EIF4G1: variants seen among roughly 807,000 people sequenced by gnomAD.
EIF4G1 encodes the protein EIF4-gamma.
In EIF4G1, 4 loss-of-function variants were observed where a neutral mutation model predicts 187.8. The observed-to-expected ratio is 0.02, with a 90% CI of 0.01 to 0.05. The LOEUF is 0.05. EIF4G1 is among the 10% of genes least tolerant of loss of function. The pLI is 1.00. For synonymous variants in EIF4G1, 844 were observed against 781.4 expected (o/e 1.08, Z -1.34); for missense variants, 1,647 against 2,081.1 (o/e 0.79, Z 4.06).
chr3:184,334,981 G>GGGC lies in EIF4G1; in HGVS notation c.*77_*79dup. On this transcript the variant is annotated 3_prime_UTR_variant, in exon 33 of 33. Transcript: ENST00000346169. This position sits in a 1 kb window ranked among gnomAD's most constrained non-coding sequence, Gnocchi z 5.8. ...CCGGCTAGCCGCCTGGACTGCAGGG[G>GGGC]GGCGGCAGCAGCGGCGGTGGCAGTG... 1 of 1,594,142 alleles carries GGGC rather than the reference G, an allele frequency of 6.3e-7. No homozygotes were observed. The highest frequency in any genetic ancestry group is 8.6e-7 in the Non-Finnish European group (1 of 1,167,958).
rs777039464 is a variant in EIF4G1 at position 184,323,709 on chromosome 3, C to T, written c.2275-71C>T. ...GCATCTGTCATGCCTAAGTCCCCAC[C>T]ACCCTCTCCTGTCCCTCCCAACAGC... On this transcript the variant is annotated intron_variant, in intron 15 of 32. Coordinates refer to ENST00000346169, the MANE Select transcript of EIF4G1 (RefSeq NM_198241.3). The surrounding 1 kb of genome is among the most constrained non-coding windows in gnomAD (Gnocchi z 6.9). 676 of 1,610,238 alleles carry T rather than the reference C, an allele frequency of 4.2e-4. No individual in the cohort carries two copies. Among genetic ancestry groups the T allele is most frequent in the Non-Finnish European group, 5.2e-4 (618 of 1,178,456 alleles).
rs1560205186 is a variant in EIF4G1, at chr3:184,315,855, A to T, written c.59A>T (p.Gln20Leu). 5.6e-6 allele frequency: 6 copies of T among 1,072,530 alleles called. No homozygotes were observed. The highest frequency in any genetic ancestry group is 6.0e-5 in the East Asian group (1 of 16,558). 66.4% of individuals were successfully genotyped at this position (1,072,530 alleles called of 1,614,324 possible). A position where few individuals can be genotyped will look rare whatever the true frequency, so the allele number is the denominator to read the frequency against. The change falls in exon 3 of 33, where the codon CAG becomes CTG. Residue 20 changes from glutamine to leucine, a missense_variant and splice_region_variant. Gln to Leu is a moderately radical substitution (Grantham distance 113, BLOSUM62 -2). Transcript: ENST00000346169. ...PPPAPSPGLPQPAFPPGQTAP... is the reference protein window; with the variant it reads ...PPPAPSPGLPLPAFPPGQTAP... The stretch of plus-strand genomic sequence containing the variant: ...CCCGCCCCATCCCCCGGACTCCCAC[A>T]GGTAATTAGGGAGGAATTAGCAGGG...
chr3:184,326,926 C>T lies in EIF4G1; in HGVS notation c.3371C>T (p.Ser1124Leu), dbSNP rs1725040669. The T allele has an allele frequency of 6.2e-7, 1 of 1,614,136 alleles. No homozygotes were observed. Among genetic ancestry groups the T allele is most frequent in the Non-Finnish European group, 8.5e-7 (1 of 1,180,058 alleles). The change falls in exon 23 of 33, where the codon TCA becomes TTA. Residue 1124 changes from serine (S) to leucine (L), a missense_variant. Ser to Leu is a moderately radical substitution (Grantham distance 145). This residue lies in a region of EIF4G1 where 543 missense variants were observed against 638.0 expected (regional missense o/e 0.85). Coordinates refer to ENST00000346169, the MANE Select transcript of EIF4G1 (RefSeq NM_198241.3). The stretch of plus-strand genomic sequence containing the variant: ...GCTACTAGTACTTTGAATCGCTTCT[C>T]AGCCCTTCAACAAGCGGTACCCACA... ...RPATSTLNRF[S>L]ALQQAVPTES... is the part of the protein sequence containing the mutation.
In EIF4G1 at chr3:184,335,034, T is replaced by A; in HGVS notation, c.*126T>A. The A allele has an allele frequency of 7.5e-7, 1 of 1,330,958 alleles. No individual in the cohort carries two copies. The highest frequency in any genetic ancestry group is 1.0e-6 in the Non-Finnish European group (1 of 962,296). The allele number at this position is 1,330,958 out of a possible 1,614,324, so 82.4% of individuals were successfully genotyped here. Reference sequence around the variant, plus strand: ...TGCCTGTAGTGTGATGTGTCTGAACTAATAAAGTGGCTGAAGAGGCAGGAT... The same window carrying A: ...TGCCTGTAGTGTGATGTGTCTGAACAAATAAAGTGGCTGAAGAGGCAGGAT... On this transcript the variant is annotated 3_prime_UTR_variant, in exon 33 of 33. Transcript: ENST00000346169.
In EIF4G1 at chr3:184,325,961, T is replaced by C. The variant is rs1156584007; in HGVS notation, c.3222+10T>C. The C allele has an allele frequency of 1.2e-6, 2 of 1,613,528 alleles. No individual in the cohort carries two copies. The highest frequency in any genetic ancestry group is 2.2e-5 in the South Asian group (2 of 91,054). ...CACCAAGATCACCAAGGTAGGGGTG[T>C]GTGTGGGAGTGGGTGATTCAGCTCA... On this transcript the variant is annotated intron_variant, in intron 21 of 32. Coordinates refer to ENST00000346169, the MANE Select transcript of EIF4G1 (RefSeq NM_198241.3). The surrounding 1 kb of genome is among the most constrained non-coding windows in gnomAD (Gnocchi z 5.2).
chr3:184,322,997 G>A (rs746976771), intron 13 of EIF4G1, 43 bp downstream of exon 13: 18 of 1,614,070 alleles, frequency 1.1e-5, no homozygotes, highest in Non-Finnish European at 1.4e-5. Flanking sequence ...GTTTGTGCTG[G>A]ATGGATTGGG....
Position 184,325,415 on chromosome 3 carries a change from A to G in EIF4G1, c.2961+42A>G. ...TCCCCACTGCCAGCCTGCTGCCTCCAGTTTCTGACACTGCCTTGTCTTGCC... is the reference window on the plus strand; with the variant it reads ...TCCCCACTGCCAGCCTGCTGCCTCCGGTTTCTGACACTGCCTTGTCTTGCC... On this transcript the variant is annotated intron_variant, in intron 19 of 32. Coordinates refer to ENST00000346169, the MANE Select transcript of EIF4G1 (RefSeq NM_198241.3). This position sits in a 1 kb window ranked among gnomAD's most constrained non-coding sequence, Gnocchi z 5.2. The G allele has an allele frequency of 5.0e-6, 8 of 1,614,130 alleles. No individual in the cohort carries two copies. The highest frequency in any genetic ancestry group is 5.9e-6 in the Non-Finnish European group (7 of 1,180,000).
intron 6 of EIF4G1, among the ~76,000 whole-genome samples, chr3:184,318,075 AGT>A (rs1723094168): frequency 6.6e-6 from 1 of 152,194 alleles, no homozygotes; most frequent in South Asian, 2.1e-4. Context: ...AGAGCCTATT[AGT>A]AGGCTTTCCC....
Position 184,328,841 on chromosome 3 carries a change from G to A in EIF4G1, c.4080-68G>A. 1.2e-6 allele frequency: 2 copies of A among 1,613,968 alleles called. 1 individual carries two copies. Among genetic ancestry groups the A allele is most frequent in the Non-Finnish European group, 1.7e-6 (2 of 1,179,866 alleles). ...ATGGCTGGGTTGGATACCCTGGTTTGGAGGGAGATGGAGTAGTGGTGAGAG... is the reference window on the plus strand; with the variant it reads ...ATGGCTGGGTTGGATACCCTGGTTTAGAGGGAGATGGAGTAGTGGTGAGAG... On this transcript the variant is annotated intron_variant, in intron 27 of 32. Coordinates refer to ENST00000346169, the MANE Select transcript of EIF4G1 (RefSeq NM_198241.3).
chr3:184,324,459 T>C, intron 17 of EIF4G1, 112 bp downstream of exon 17: 1 of 1,526,980 alleles, frequency 6.5e-7, no homozygotes, highest in African/African-American at 1.4e-5. Context: ...GGGATTTCTC[T>C]GGCTCAGGAC....
chr3:184,326,625 C>T lies in EIF4G1; in HGVS notation c.3321C>T (p.Asp1107=), dbSNP rs777888708. The T allele has an allele frequency of 1.8e-5, 29 of 1,609,274 alleles. No homozygotes were observed. The highest frequency in any genetic ancestry group is 1.6e-4 in the East Asian group (7 of 44,880). The change falls in exon 22 of 33, where the codon GAC becomes GAT. Residue 1107 remains aspartate, a synonymous_variant. Transcript: ENST00000346169. ...SSGGSGAKPS[D]AASEAARPAT... is the part of the protein sequence containing the mutation. ...GAGGCTCAGGAGCCAAGCCCTCAGA[C>T]GCAGGTATGGAGGCAGTGTCAGGAG...
chr3:184,322,529 G>A lies in EIF4G1; in HGVS notation c.1609-15G>A. The A allele has an allele frequency of 6.2e-7, 1 of 1,614,126 alleles. No individual in the cohort carries two copies. Among genetic ancestry groups the A allele is most frequent in the Non-Finnish European group, 8.5e-7 (1 of 1,180,018 alleles). ...GGTCATTCTGCAACCAAAACTGGATGTTCTGTTGTTCTAGGCGAACCCGGC... is the reference window on the plus strand; with the variant it reads ...GGTCATTCTGCAACCAAAACTGGATATTCTGTTGTTCTAGGCGAACCCGGC... On this transcript the variant is annotated splice_polypyrimidine_tract_variant and intron_variant, in intron 11 of 32. Transcript: ENST00000346169.
In EIF4G1 at chr3:184,326,429, A is replaced by T. The variant is rs555988534; in HGVS notation, c.3223-98A>T. The T allele has an allele frequency of 3.0e-5, 37 of 1,247,960 alleles. No individual in the cohort carries two copies. In the South Asian group the frequency reaches 3.8e-4, roughly 13 times the overall value. 77.3% of individuals were successfully genotyped at this position (1,247,960 alleles called of 1,614,324 possible). On this transcript the variant is annotated intron_variant, in intron 21 of 32. Transcript: ENST00000346169. ...TTAAAAAAGATTTTCTGACCCCTGG[A>T]CTGGGCCATTCACTACCTGTTTGGT...
intron 21 of EIF4G1, among the ~76,000 whole-genome samples, chr3:184,326,204 C>A (rs1020702133): frequency 2.6e-5 from 4 of 151,752 alleles, no homozygotes; most frequent in Non-Finnish European, 5.9e-5. Context: ...ATCCCAGGAC[C>A]CAGTAGTGGT....
chr3:184,327,808 T>C (rs1378288630), intron 25 of EIF4G1, 22 bp from the exon 26 acceptor site: 1 of 1,614,014 alleles, frequency 6.2e-7, no homozygotes, highest in Non-Finnish European at 8.5e-7. Context: ...GGTCTCTTCC[T>C]GCTGTGCCCT....
chr3:184,316,701 A>C, intron 4 of EIF4G1: 3 of 1,594,510 alleles, frequency 1.9e-6, no homozygotes, highest in Non-Finnish European at 2.5e-6. Flanking sequence ...TCCTATCCCC[A>C]TGTGCTCTCA....
rs1190379981 is a variant in EIF4G1 at position 184,317,773 on chromosome 3, A to G, written c.381A>G (p.Pro127=). The part of the protein sequence containing the change: ...TQQYPVQPGA[P]GFYPGASPTE... ...AGTACCCTGTGCAGCCAGGAGCCCC[A>G]GGCTTCTATCCAGGTGCAAGCCCTA... is the stretch of plus-strand genomic sequence containing the variant. Residue 127 remains proline (P), a synonymous_variant, in exon 6 of 33, where the codon CCA becomes CCG. Transcript: ENST00000346169. 17 of 1,614,138 alleles carry G rather than the reference A, an allele frequency of 1.1e-5. No individual in the cohort carries two copies. The South Asian group carries it at 1.8e-4, about 17-fold the overall frequency.
intron 4 of EIF4G1, 134 bp downstream of exon 4, chr3:184,316,352 C>T (rs903702927): frequency 1.5e-5 from 18 of 1,187,736 alleles, no homozygotes; most frequent in African/African-American, 4.6e-5. Context: ...TGCGGCTCTG[C>T]GCCTTGCCCT....
In EIF4G1 at chr3:184,328,954, G is replaced by A. The variant is rs777380805; in HGVS notation, c.4125G>A (p.Leu1375=). Residue 1375 remains leucine, a synonymous_variant, in exon 28 of 33, where the codon CTG becomes CTA. Coordinates refer to ENST00000346169, the MANE Select transcript of EIF4G1 (RefSeq NM_198241.3). The part of the protein sequence containing the change: ...PLRPLGKAAS[L]LLEILGLLCK... ...GACCGTTGGGCAAAGCTGCTTCCCT[G>A]TTGCTGGAGATCCTGGGCCTCCTGT... The A allele has an allele frequency of 6.2e-7, 1 of 1,614,214 alleles. No homozygotes were observed. Among genetic ancestry groups the A allele is most frequent in the Non-Finnish European group, 8.5e-7 (1 of 1,180,044 alleles).
Sources: allele counts gnomAD v4.1 joint callset (sites outside exome capture counted in the v4.1 genomes callset), GRCh38; gene constraint gnomAD v4.1.1; regional missense constraint gnomAD v4.1.1; non-coding constraint Gnocchi (gnomAD v3.1); transcripts MANE v1.5; gene names NCBI Gene and HGNC (gene_info 2026-07-23, HGNC 2026-07-21).